The following MSRA variants were observed in gnomAD, a reference collection of about 807,000 sequenced individuals.
MSRA encodes mitochondrial peptide methionine sulfoxide reductase.
In MSRA, 54 loss-of-function variants were observed where a neutral mutation model predicts 31.3. The ratio of observed to expected loss-of-function variants is 1.73; its 90% CI spans 1.39 to 2.17. The LOEUF (loss-of-function observed/expected upper bound fraction) is 2.17, where lower values mean the gene tolerates loss of function less well. MSRA is among the 30% of genes most tolerant of loss of function. MSRA has a pLI of 0.00. For synonymous variants in MSRA, 169 were observed against 116.5 expected (o/e 1.45, Z -2.90); for missense variants, 507 against 300.9 (o/e 1.69, Z -5.07).
intron 1 of MSRA, among the ~76,000 whole-genome samples, chr8:10,096,670 C>A (rs910427922): frequency 2.0e-5 from 3 of 152,074 alleles, no homozygotes; most frequent in Non-Finnish European, 4.4e-5. Flanking sequence ...CTTTTTAATA[C>A]TACCTGGTGT....
chr8:10,171,960 T>TA (rs1805626480), intron 1 of MSRA, among the ~76,000 whole-genome samples: 1 of 152,206 alleles, frequency 6.6e-6, no homozygotes, highest in African/African-American at 2.4e-5. Context: ...CTGAAGTAGG[T>TA]AATGGAACCA....
chr8:10,276,197 C>A (rs1242772583), intron 3 of MSRA, among the ~76,000 whole-genome samples: 3 of 152,198 alleles, frequency 2.0e-5, no homozygotes, highest in South Asian at 4.1e-4. Flanking sequence ...ATCAGCAGTC[C>A]ACAGCAGTGG....
chr8:10,180,612 A>T (rs1425167367), intron 1 of MSRA, among the ~76,000 whole-genome samples: 1 of 152,180 alleles, frequency 6.6e-6, no homozygotes, highest in Non-Finnish European at 1.5e-5. Context: ...GCTATGACTA[A>T]CAAGATGCTC....
intron 5 of MSRA, among the ~76,000 whole-genome samples, chr8:10,379,675 G>A (rs1017060114): frequency 1.3e-5 from 2 of 152,182 alleles, no homozygotes; most frequent in African/African-American, 2.4e-5. Context: ...GACCTATAAT[G>A]GTTCTGGGGC....
chr8:10,081,524 C>T (rs1179323306), intron 1 of MSRA, among the ~76,000 whole-genome samples: 1 of 152,182 alleles, frequency 6.6e-6, no homozygotes, highest in Non-Finnish European at 1.5e-5. Context: ...GAGTCTTACT[C>T]TGTCACCCAG....
At position 10,102,524 on chromosome 8, in the gene MSRA, G is replaced by A. The variant is rs369190800; in HGVS notation, c.142+47866G>A. On this transcript the variant is annotated intron_variant, in intron 1 of 5. Transcript: ENST00000317173. ...TCATGCCCATTTTTAGTTGTTTGTGGAAACATGTTTATAATGGCTACTTTC... is the reference window on the plus strand; with the variant it reads ...TCATGCCCATTTTTAGTTGTTTGTGAAAACATGTTTATAATGGCTACTTTC... Among the ~76,000 whole-genome samples, 11 of 152,076 alleles carry A rather than the reference G, an allele frequency of 7.2e-5. No homozygotes were observed. The East Asian group carries it at 1.7e-3, about 24-fold the overall frequency.
Position 10,407,538 on chromosome 8 carries a change from G to T in MSRA, c.544-20610G>T, listed in dbSNP as rs529318564. On this transcript the variant is annotated intron_variant, in intron 5 of 5. Coordinates refer to ENST00000317173, the MANE Select transcript of MSRA (RefSeq NM_012331.5). ...TGATGGCAATGAAATGTGTAGCCTG[G>T]AGGAGAGGTAGCAAATGATGCCGTG... Among the ~76,000 whole-genome samples the T allele has an allele frequency of 3.9e-5, 6 of 152,330 alleles. No individual in the cohort carries two copies. The South Asian group carries it at 1.0e-3, about 26-fold the overall frequency.
intron 5 of MSRA, among the ~76,000 whole-genome samples, chr8:10,324,995 C>T (rs916884569): frequency 6.6e-6 from 1 of 152,184 alleles, no homozygotes; most frequent in Non-Finnish European, 1.5e-5. Context: ...TTGGGCAATG[C>T]AGGTGCATAA....
intron 5 of MSRA, among the ~76,000 whole-genome samples, chr8:10,351,245 CTTTTTTTTTTT>C (rs71203317): frequency 2.8e-3 from 158 of 56,816 alleles, no homozygotes; most frequent in Middle Eastern, 0.017. Context: ...CTGAAGGAGA[CTTTTTTTTTTT>C]TTTTTTTTTT....
At chr8:10,416,917 T>G (rs1335244423) in intron 5 of MSRA, among the ~76,000 whole-genome samples, 1 of 152,204 alleles carries the variant, frequency 6.6e-6, no homozygotes, top group East Asian at 1.9e-4. Flanking sequence ...CGTTCTGCAT[T>G]GCAAACCAAG....
At chr8:10,272,263 T>C (rs7001821) in intron 3 of MSRA, among the ~76,000 whole-genome samples, 82,947 of 151,908 alleles carry the variant, frequency 0.55, 22,990 homozygotes, top group Non-Finnish European at 0.61. Flanking sequence ...TTATAAAGAA[T>C]TGGCTCAGGA....
intron 5 of MSRA, among the ~76,000 whole-genome samples, chr8:10,384,835 C>G (rs1263779933): frequency 2.0e-5 from 3 of 152,046 alleles, no homozygotes; most frequent in Non-Finnish European, 2.9e-5. Flanking sequence ...GAGCAAAACT[C>G]TTTGTCTCCA....
rs1799317377 is a variant in MSRA, at chr8:10,276,275, GC to G, written c.332-25258del. Among the ~76,000 whole-genome samples, 13 of 152,334 alleles carry G rather than the reference GC, an allele frequency of 8.5e-5. No individual in the cohort carries two copies. The South Asian group carries it at 2.7e-3, about 32-fold the overall frequency. ...GGCCGAGCACATGGTCGCAGTAAGT[GC>G]ACGCCACCCAGCGAGAGTTGGTTAA... On this transcript the variant is annotated intron_variant, in intron 3 of 5. Coordinates refer to ENST00000317173, the MANE Select transcript of MSRA (RefSeq NM_012331.5).
chr8:10,054,984 G>A (rs1165663202), intron 1 of MSRA, among the ~76,000 whole-genome samples: 1 of 152,210 alleles, frequency 6.6e-6, no homozygotes, highest in Non-Finnish European at 1.5e-5. Flanking sequence ...GCTGGGGTCT[G>A]GCCTTGCTCG....
chr8:10,114,345 C>T (rs1800518310), intron 1 of MSRA, among the ~76,000 whole-genome samples: 1 of 152,054 alleles, frequency 6.6e-6, no homozygotes, highest in Non-Finnish European at 1.5e-5. Context: ...TATCTGGGGG[C>T]CAGACGTAAG....
chr8:10,294,345 C>T (rs912168656), intron 3 of MSRA, among the ~76,000 whole-genome samples: 8 of 152,174 alleles, frequency 5.3e-5, no homozygotes, highest in Admixed American at 6.5e-5. Flanking sequence ...AAGGTGATAC[C>T]GGCTGAGTTA....
At position 10,301,634 on chromosome 8, in the gene MSRA, C is replaced by A. The variant is rs1344470932; in HGVS notation, c.432C>A (p.Thr144=). 6.2e-7 allele frequency: 1 copy of A among 1,612,678 alleles called. No homozygotes were observed. Among genetic ancestry groups the A allele is most frequent in the East Asian group, 2.2e-5 (1 of 44,864 alleles). Residue 144 remains threonine, a synonymous_variant, in exon 4 of 6, where the codon ACC becomes ACA. Coordinates refer to ENST00000317173, the MANE Select transcript of MSRA (RefSeq NM_012331.5). Reference sequence around the variant, plus strand: ...TCTTCTGGGAGAATCACGACCCGACCCAAGGTAGAGTGATGAGTGAGCCAG... The same window carrying A: ...TCTTCTGGGAGAATCACGACCCGACACAAGGTAGAGTGATGAGTGAGCCAG... ...LKVFWENHDP[T]QGMRQGNDHG...
intron 1 of MSRA, 37 bp from the exon 2 acceptor site, chr8:10,207,796 T>C: frequency 6.3e-7 from 1 of 1,580,736 alleles, no homozygotes; most frequent in Non-Finnish European, 8.6e-7. Context: ...GTTAGAACTT[T>C]ACACTTAAAC....
intron 2 of MSRA, among the ~76,000 whole-genome samples, chr8:10,211,896 T>C (rs1023121621): frequency 6.6e-6 from 1 of 152,098 alleles, no homozygotes; most frequent in Non-Finnish European, 1.5e-5. Flanking sequence ...GCCTTAAAAA[T>C]ACTCCATAGT....
Sources: gnomAD v4.1 joint callset for allele counts (sites outside exome capture counted in the v4.1 genomes callset) on GRCh38, gnomAD v4.1.1 for gene constraint, MANE v1.5 for transcripts, NCBI Gene and HGNC (gene_info 2026-07-23, HGNC 2026-07-21) for gene names.